The following DLGAP2 variants were observed in gnomAD, a reference collection of about 807,000 sequenced individuals.
DLGAP2 encodes the protein disks large-associated protein 2.
Under a neutral mutation model 100.3 loss-of-function variants are expected in DLGAP2, and 26 were observed. That is an observed-to-expected ratio of 0.26 (90% CI 0.19 to 0.36). DLGAP2 has a LOEUF of 0.36. DLGAP2 is among the 10% of genes least tolerant of loss of function. The probability of loss-of-function intolerance (pLI) is 1.00; values close to 1 mark genes in which losing one functional copy is unlikely to be tolerated. For missense variants in DLGAP2, 1,858 were observed against 1,453.2 expected (o/e 1.28, Z -4.53); for synonymous variants, 886 against 630.1 (o/e 1.41, Z -6.08).
At chr8:1,270,382 G>A (rs1029854378) in intron 3 of DLGAP2, among the ~76,000 whole-genome samples, 3 of 152,176 alleles carry the variant, frequency 2.0e-5, no homozygotes, top group Non-Finnish European at 2.9e-5. Flanking sequence ...ACTTTTGATC[G>A]TCACAGCCTC....
chr8:1,588,585 T>C (rs1796196263), intron 6 of DLGAP2, among the ~76,000 whole-genome samples: 1 of 151,880 alleles, frequency 6.6e-6, no homozygotes, highest in South Asian at 2.1e-4. Flanking sequence ...AAGTAAATAA[T>C]ATGTGTACAG....
chr8:1,635,917 G>T (rs1797754691), intron 8 of DLGAP2, among the ~76,000 whole-genome samples: 1 of 152,208 alleles, frequency 6.6e-6, no homozygotes, highest in Non-Finnish European at 1.5e-5. Context: ...GGCAGCTGGT[G>T]ATCGAGCTGA....
At chr8:1,140,368 C>G (rs1796500886) in intron 2 of DLGAP2, among the ~76,000 whole-genome samples, 1 of 129,118 alleles carries the variant, frequency 7.7e-6, no homozygotes, top group South Asian at 2.3e-4. Flanking sequence ...CACACCTGCT[C>G]CGTCCTCTTT....
chr8:1,287,704 T>TTCA (rs1799971612), intron 3 of DLGAP2, among the ~76,000 whole-genome samples: 12 of 34,388 alleles, frequency 3.5e-4, no homozygotes, highest in African/African-American at 1.0e-3. Context: ...AGTGTGTGTG[T>TTCA]GTGTGTGTGT....
intron 3 of DLGAP2, among the ~76,000 whole-genome samples, chr8:1,475,604 A>G (rs1798908874): frequency 6.6e-6 from 1 of 152,128 alleles, no homozygotes; most frequent in African/African-American, 2.4e-5. Context: ...AAAGCCCTAC[A>G]AAGTCGTTGA....
intron 3 of DLGAP2, among the ~76,000 whole-genome samples, chr8:1,314,707 T>C (rs753146367): frequency 6.6e-6 from 1 of 152,200 alleles, no homozygotes; most frequent in Non-Finnish European, 1.5e-5. Context: ...CCCACCCCTA[T>C]CCGCCTCCTG....
chr8:1,103,895 G>C (rs1260313600), intron 2 of DLGAP2, among the ~76,000 whole-genome samples: 2 of 152,216 alleles, frequency 1.3e-5, no homozygotes, highest in Non-Finnish European at 1.5e-5. Context: ...CCCATGTTGG[G>C]GCTGCATCTG....
Position 1,325,909 on chromosome 8 carries a change from A to G in DLGAP2, c.106+67026A>G, listed in dbSNP as rs560622872. ...CTCCTTTTTCTATTTTGTAATCTTT[A>G]TTGTAGTGGTAACTACAGGTCTAAT... On this transcript the variant is annotated intron_variant, in intron 3 of 14. Transcript: ENST00000637795. Among the ~76,000 whole-genome samples, 8 of 152,212 alleles carry G rather than the reference A, an allele frequency of 5.3e-5. No individual in the cohort carries two copies. In the South Asian group the frequency reaches 1.0e-3, roughly 20 times the overall value.
chr8:946,402 T>A (rs927611548), intron 2 of DLGAP2, among the ~76,000 whole-genome samples: 4 of 152,016 alleles, frequency 2.6e-5, no homozygotes, highest in African/African-American at 7.2e-5. Flanking sequence ...TGTCTGGGAC[T>A]ACAGGCGCCC....
intron 8 of DLGAP2, among the ~76,000 whole-genome samples, chr8:1,653,152 T>C (rs1279783833): frequency 6.6e-6 from 1 of 152,160 alleles, no homozygotes; most frequent in Non-Finnish European, 1.5e-5. Flanking sequence ...TGGCATCGCG[T>C]TGGTTCTTAG....
chr8:793,817 A>G (rs776039175), intron 1 of DLGAP2, among the ~76,000 whole-genome samples: 1 of 152,228 alleles, frequency 6.6e-6, no homozygotes, highest in Admixed American at 6.5e-5. Context: ...TTTGTTTTAC[A>G]GAACCAAGGA....
intron 3 of DLGAP2, among the ~76,000 whole-genome samples, chr8:1,450,501 C>T (rs1001933126): frequency 1.3e-4 from 20 of 150,702 alleles, no homozygotes; most frequent in Admixed American, 6.6e-5. Flanking sequence ...TGGGCGGCCT[C>T]GGTGGCTGAG....
intron 1 of DLGAP2, among the ~76,000 whole-genome samples, chr8:788,975 A>G (rs1026314978): frequency 2.6e-5 from 4 of 152,224 alleles, no homozygotes; most frequent in African/African-American, 9.6e-5. Flanking sequence ...CAGGAACCCT[A>G]TTTGCCACCC....
At chr8:1,091,632 T>G (rs1356559764) in intron 2 of DLGAP2, among the ~76,000 whole-genome samples, 2 of 152,158 alleles carry the variant, frequency 1.3e-5, no homozygotes, top group Admixed American at 1.3e-4. Flanking sequence ...ATCTCTGTGT[T>G]AAATGGAGAC....
intron 2 of DLGAP2, among the ~76,000 whole-genome samples, chr8:1,038,746 G>A (rs561366438): frequency 6.6e-6 from 1 of 152,298 alleles, no homozygotes; most frequent in East Asian, 1.9e-4. Flanking sequence ...CAGTAGGTGA[G>A]GGTCAAAATT....
chr8:1,685,576 A>G (rs1185493630), intron 12 of DLGAP2, among the ~76,000 whole-genome samples: 3 of 152,180 alleles, frequency 2.0e-5, no homozygotes, highest in African/African-American at 7.2e-5. Flanking sequence ...CTAAATGGTC[A>G]TGGGGAAATC....
At chr8:1,624,857 C>G (rs199871908) in intron 6 of DLGAP2, among the ~76,000 whole-genome samples, 14 of 79,444 alleles carry the variant, frequency 1.8e-4, no homozygotes, top group South Asian at 4.9e-4. Flanking sequence ...CTCTCTCTCT[C>G]TCTCTCTCTC....
intron 6 of DLGAP2, among the ~76,000 whole-genome samples, chr8:1,571,519 C>T (rs1379082297): frequency 1.6e-5 from 2 of 125,390 alleles, no homozygotes; most frequent in African/African-American, 6.2e-5. Flanking sequence ...GGAGGGTTGT[C>T]TTCTGGGATG....
At chr8:1,607,240 T>G (rs1334074922) in intron 6 of DLGAP2, among the ~76,000 whole-genome samples, 2 of 152,238 alleles carry the variant, frequency 1.3e-5, no homozygotes, top group African/African-American at 4.8e-5. Context: ...TGACTTATAT[T>G]CTTTAATCTC....
Sources: allele counts gnomAD v4.1 joint callset (sites outside exome capture counted in the v4.1 genomes callset), GRCh38; gene constraint gnomAD v4.1.1; transcripts MANE v1.5; gene names NCBI Gene and HGNC (gene_info 2026-07-23, HGNC 2026-07-21).